Variants in ANKS1B observed in about 807,000 individuals in gnomAD.
ANKS1B encodes ankyrin repeat and sterile alpha motif domain containing 1B.
In ANKS1B, 36 loss-of-function variants were observed where a neutral mutation model predicts 148.3. That is an observed-to-expected ratio of 0.24 (90% CI 0.19 to 0.32). The LOEUF (loss-of-function observed/expected upper bound fraction) is 0.32, where lower values mean the gene tolerates loss of function less well. Among genes scored for constraint, ANKS1B ranks in the 10% least tolerant of loss-of-function variants. ANKS1B has a pLI of 1.00. For missense variants in ANKS1B, 1,157 were observed against 1,542.6 expected, an observed-to-expected ratio of 0.75 and a Z score of 4.19; for synonymous variants, 542 against 560.8, an observed-to-expected ratio of 0.97 and a Z score of 0.47.
chr12:99,574,088 G>C lies in ANKS1B; in HGVS notation c.1273-69447C>G, dbSNP rs568899111. 2.6e-5 allele frequency among the ~76,000 whole-genome samples: 4 copies of C among 152,104 alleles called. No individual in the cohort carries two copies. The South Asian group carries it at 8.3e-4, about 32-fold the overall frequency. ...CATGACACCACACATCCAGTGTTTT[G>C]TCAGTGGGTTTATTCAATTCCATGG... On this transcript the variant is annotated intron_variant, in intron 9 of 26. Transcript: ENST00000683438.
At position 99,861,740 on chromosome 12, in the gene ANKS1B, T is replaced by C. The variant is rs1008643272; in HGVS notation, c.135-36351A>G. On this transcript the variant is annotated intron_variant, in intron 1 of 26. Coordinates refer to ENST00000683438, the MANE Select transcript of ANKS1B (RefSeq NM_001352186.2). ...CATGCAAACAATTTTGGTTTAACCATGAACAACAATAAAGAAGTTCATATA... is the reference window on the plus strand; with the variant it reads ...CATGCAAACAATTTTGGTTTAACCACGAACAACAATAAAGAAGTTCATATA... 6.6e-5 allele frequency among the ~76,000 whole-genome samples: 10 copies of C among 152,216 alleles called. No individual in the cohort carries two copies. The East Asian group carries it at 1.9e-3, about 29-fold the overall frequency.
At chr12:99,090,328 T>C (rs527545687) in intron 15 of ANKS1B, among the ~76,000 whole-genome samples, 1 of 152,296 alleles carries the variant, frequency 6.6e-6, no homozygotes, top group African/African-American at 2.4e-5. Context: ...ATATTATATA[T>C]TGTAGAAAAT....
chr12:99,741,585 G>A (rs2060118495), intron 8 of ANKS1B, among the ~76,000 whole-genome samples: 1 of 152,274 alleles, frequency 6.6e-6, no homozygotes, highest in Non-Finnish European at 1.5e-5. Flanking sequence ...ATGAGTTCAT[G>A]TCCTTTGCAG....
chr12:99,604,864 T>C (rs1302956703), intron 9 of ANKS1B, among the ~76,000 whole-genome samples: 3 of 137,628 alleles, frequency 2.2e-5, no homozygotes, highest in Non-Finnish European at 4.8e-5. Context: ...TTAAGACAAA[T>C]AGAGAAGGTT....
intron 14 of ANKS1B, among the ~76,000 whole-genome samples, chr12:99,184,581 GT>G (rs1267456167): frequency 5.9e-5 from 9 of 152,096 alleles, no homozygotes; most frequent in African/African-American, 2.2e-4. Context: ...TGCCTGTTTT[GT>G]CTATTTCAAA....
intron 17 of ANKS1B, among the ~76,000 whole-genome samples, chr12:98,998,627 A>G (rs1381871159): frequency 6.6e-6 from 1 of 152,242 alleles, no homozygotes; most frequent in African/African-American, 2.4e-5. Context: ...TTTATTAACC[A>G]TAAAAATAAG....
At position 98,744,424 on chromosome 12, in the gene ANKS1B, A is replaced by G; in HGVS notation, c.*1315T>C. ...CAATTTATCAATATCGCTATAATGA[A>G]CTTCAAAATGATTCACAATATGATT... On this transcript the variant is annotated 3_prime_UTR_variant, in exon 27 of 27. Transcript: ENST00000683438. The G allele has an allele frequency of 1.2e-6, 1 of 839,664 alleles. No individual in the cohort carries two copies. Among genetic ancestry groups the G allele is most frequent in the Non-Finnish European group, 1.4e-6 (1 of 696,848 alleles). 52.0% of individuals were successfully genotyped at this position (839,664 alleles called of 1,614,324 possible).
intron 12 of ANKS1B, among the ~76,000 whole-genome samples, chr12:99,299,267 T>C (rs907287742): frequency 1.3e-5 from 2 of 152,034 alleles, no homozygotes; most frequent in Non-Finnish European, 2.9e-5. Context: ...CGCTATGTTG[T>C]CCAGGCTGGT....
At chr12:99,770,481 C>T (rs114609528) in intron 8 of ANKS1B, among the ~76,000 whole-genome samples, 2,649 of 152,132 alleles carry the variant, frequency 0.017, 77 homozygotes, top group African/African-American at 0.06. Context: ...GGAAAAAAAA[C>T]TTTTTTGATG....
chr12:99,507,051 T>A (rs2096719014), intron 9 of ANKS1B, among the ~76,000 whole-genome samples: 1 of 151,970 alleles, frequency 6.6e-6, no homozygotes, highest in Admixed American at 6.6e-5. Flanking sequence ...AACTGAACAG[T>A]CTCTAGTGTC....
At chr12:98,831,530 T>G (rs780762829) in intron 18 of ANKS1B, 4 of 153,048 alleles carry the variant, frequency 2.6e-5, no homozygotes, top group African/African-American at 9.7e-5. Flanking sequence ...TCTTTAAAGG[T>G]AGTGGTTTGT....
chr12:99,257,287 T>G (rs2075385226), intron 12 of ANKS1B, among the ~76,000 whole-genome samples: 3 of 152,298 alleles, frequency 2.0e-5, no homozygotes, highest in Non-Finnish European at 4.4e-5. Context: ...GATTCAAAGT[T>G]AATCTTCTGA....
At chr12:99,173,668 A>G (rs2078047755) in intron 14 of ANKS1B, among the ~76,000 whole-genome samples, 1 of 152,140 alleles carries the variant, frequency 6.6e-6, no homozygotes, top group Admixed American at 6.6e-5. Context: ...TAATGACCCA[A>G]AGTCTGGGGG....
At chr12:99,841,258 T>C (rs969495997) in intron 1 of ANKS1B, among the ~76,000 whole-genome samples, 2 of 152,040 alleles carry the variant, frequency 1.3e-5, no homozygotes, top group African/African-American at 4.8e-5. Flanking sequence ...GCTCTTGTGG[T>C]TTGTTAAATT....
chr12:98,870,179 T>C (rs781058966), intron 17 of ANKS1B, among the ~76,000 whole-genome samples: 13 of 152,246 alleles, frequency 8.5e-5, no homozygotes, highest in Non-Finnish European at 1.6e-4. Context: ...CTAAAGCACT[T>C]AGAAGAGCCC....
At chr12:98,772,034 T>C (rs948314760) in intron 25 of ANKS1B, among the ~76,000 whole-genome samples, 1 of 152,194 alleles carries the variant, frequency 6.6e-6, no homozygotes, top group African/African-American at 2.4e-5. Flanking sequence ...AAAGTGAAAT[T>C]AGTAAATGAG....
intron 14 of ANKS1B, among the ~76,000 whole-genome samples, chr12:99,157,113 A>G (rs772769120): frequency 6.6e-6 from 1 of 152,178 alleles, no homozygotes; most frequent in Non-Finnish European, 1.5e-5. Context: ...GGATCTTTTA[A>G]TAACATCAAA....
At chr12:99,926,720 GA>G (rs1487446604) in intron 1 of ANKS1B, among the ~76,000 whole-genome samples, 2 of 152,106 alleles carry the variant, frequency 1.3e-5, no homozygotes, top group Non-Finnish European at 2.9e-5. Flanking sequence ...TGTTTCTCTG[GA>G]GAACCCTAAT....
At chr12:99,059,714 A>C (rs1023272631) in intron 16 of ANKS1B, among the ~76,000 whole-genome samples, 1 of 149,054 alleles carries the variant, frequency 6.7e-6, no homozygotes, top group Non-Finnish European at 1.5e-5. Flanking sequence ...CATGACTCGT[A>C]AATTAATTTT....
Sources: allele counts gnomAD v4.1 joint callset (sites outside exome capture counted in the v4.1 genomes callset), GRCh38; gene constraint gnomAD v4.1.1; transcripts MANE v1.5; gene names NCBI Gene and HGNC (gene_info 2026-07-23, HGNC 2026-07-21).